TMEM131: variants seen among roughly 807,000 people sequenced by gnomAD.
TMEM131 encodes the protein transmembrane protein 131.
Under a neutral mutation model 211.6 loss-of-function variants are expected in TMEM131, and 66 were observed. The observed-to-expected ratio is 0.31, with a 90% CI of 0.26 to 0.38. The LOEUF is 0.38. TMEM131 is among the 10% of genes least tolerant of loss of function. The pLI is 1.00. For missense variants in TMEM131, 2,036 were observed against 2,299.3 expected (o/e 0.89, Z 2.34); for synonymous variants, 844 against 841.3 (o/e 1.00, Z -0.06).
intron 1 of TMEM131, among the ~76,000 whole-genome samples, chr2:97,983,772 C>T (rs955547882): frequency 2.0e-5 from 3 of 152,094 alleles, no homozygotes; most frequent in Non-Finnish European, 2.9e-5. Context: ...TTTCTATGTT[C>T]GTCCCTTCGT....
intron 1 of TMEM131, among the ~76,000 whole-genome samples, chr2:97,988,571 TCAA>T (rs1040893358): frequency 1.7e-4 from 26 of 152,114 alleles, no homozygotes; most frequent in South Asian, 2.1e-4. Flanking sequence ...CTCCTATAAC[TCAA>T]CAACAACAAC....
Position 97,995,546 on chromosome 2 carries a change from G to T in TMEM131, c.117C>A (p.Ala39=). 7.5e-7 allele frequency: 1 copy of T among 1,336,972 alleles called. No homozygotes were observed. Among genetic ancestry groups the T allele is most frequent in the Non-Finnish European group, 9.6e-7 (1 of 1,039,866 alleles). The allele number at this position is 1,336,972 out of a possible 1,614,324, so 82.8% of individuals were successfully genotyped here. A position where few individuals can be genotyped will look rare whatever the true frequency, so the allele number is the denominator to read the frequency against. Residue 39 remains alanine, a synonymous_variant, in exon 1 of 41, where the codon GCC becomes GCA. Coordinates refer to ENST00000186436, the MANE Select transcript of TMEM131 (RefSeq NM_015348.2). ...AARSGGPRSA[A]AGLLGALHLV... ...GGTGCAGCGCGCCTAGGAGGCCGGCGGCCGCGCTCCGCGGGCCCCCGCTAC... is the reference window on the plus strand; with the variant it reads ...GGTGCAGCGCGCCTAGGAGGCCGGCTGCCGCGCTCCGCGGGCCCCCGCTAC...
At chr2:97,874,864 A>G (rs959151507) in intron 4 of TMEM131, among the ~76,000 whole-genome samples, 16 of 152,236 alleles carry the variant, frequency 1.1e-4, no homozygotes, top group African/African-American at 3.9e-4. Context: ...AAATTTACAC[A>G]TAACAATATT....
intron 32 of TMEM131, among the ~76,000 whole-genome samples, chr2:97,772,824 G>A (rs1190257000): frequency 6.6e-6 from 1 of 152,258 alleles, no homozygotes; most frequent in Non-Finnish European, 1.5e-5. Context: ...TTGAACTGGG[G>A]AGGCAGGGGT....
intron 1 of TMEM131, among the ~76,000 whole-genome samples, chr2:97,985,511 T>C (rs1350134847): frequency 6.6e-6 from 1 of 152,102 alleles, no homozygotes; most frequent in Admixed American, 6.6e-5. Context: ...ACAAAATGAT[T>C]TGAGGATTCA....
intron 35 of TMEM131, chr2:97,764,372 G>C (rs747843621): frequency 1.3e-5 from 2 of 152,210 alleles, no homozygotes; most frequent in Non-Finnish European, 2.9e-5. Flanking sequence ...GAGCATGTGG[G>C]ACCGACTCTT....
intron 33 of TMEM131, among the ~76,000 whole-genome samples, chr2:97,768,430 A>G (rs564174053): frequency 6.6e-6 from 1 of 152,262 alleles, no homozygotes; most frequent in South Asian, 2.1e-4. Context: ...ACAAAACTAA[A>G]TTCTGTGCCA....
intron 1 of TMEM131, among the ~76,000 whole-genome samples, chr2:97,994,041 G>C (rs1680377975): frequency 6.6e-6 from 1 of 152,192 alleles, no homozygotes; most frequent in Non-Finnish European, 1.5e-5. Context: ...CAAAGGAACA[G>C]AAAAACAAGG....
intron 1 of TMEM131, among the ~76,000 whole-genome samples, chr2:97,963,371 T>C (rs1479265212): frequency 2.6e-5 from 4 of 152,228 alleles, no homozygotes; most frequent in Admixed American, 2.6e-4. Flanking sequence ...TAATTTTTGA[T>C]AGCTTTTTTG....
chr2:97,916,919 CTT>C (rs916740062), intron 2 of TMEM131, among the ~76,000 whole-genome samples: 2 of 152,082 alleles, frequency 1.3e-5, no homozygotes, highest in Non-Finnish European at 2.9e-5. Flanking sequence ...ATAAATATGA[CTT>C]ATATTTATTA....
intron 1 of TMEM131, among the ~76,000 whole-genome samples, chr2:97,943,082 A>C (rs549372936): frequency 2.8e-5 from 4 of 141,500 alleles, no homozygotes; most frequent in African/African-American, 1.0e-4. Flanking sequence ...AGAAAGAAAG[A>C]AAGAAAGAAA....
At chr2:97,869,229 G>C (rs1221040290) in intron 4 of TMEM131, among the ~76,000 whole-genome samples, 1 of 152,214 alleles carries the variant, frequency 6.6e-6, no homozygotes, top group Non-Finnish European at 1.5e-5. Context: ...TCTCAGCTAA[G>C]ATAAAGAAGA....
intron 11 of TMEM131, among the ~76,000 whole-genome samples, chr2:97,821,061 A>G (rs569379593): frequency 2.2e-4 from 34 of 152,116 alleles, no homozygotes; most frequent in Non-Finnish European, 4.4e-4. Flanking sequence ...GAAGTTCCTC[A>G]TTTGCTCTAC....
At chr2:97,958,319 T>G (rs1678665399) in intron 1 of TMEM131, among the ~76,000 whole-genome samples, 1 of 152,176 alleles carries the variant, frequency 6.6e-6, no homozygotes, top group Admixed American at 6.5e-5. Flanking sequence ...AGATCAGGTC[T>G]GCATCTCTAC....
intron 1 of TMEM131, among the ~76,000 whole-genome samples, chr2:97,939,335 T>C (rs1167086460): frequency 6.6e-6 from 1 of 151,990 alleles, no homozygotes; most frequent in East Asian, 1.9e-4. Flanking sequence ...TAAAAAATGA[T>C]AAAGGAGATA....
chr2:97,901,587 G>C (rs1168512245), intron 3 of TMEM131, among the ~76,000 whole-genome samples: 1 of 152,002 alleles, frequency 6.6e-6, no homozygotes, highest in Non-Finnish European at 1.5e-5. Context: ...AAACACAATG[G>C]AATATTATTC....
rs1428378064 is a variant in TMEM131, at chr2:97,793,379, C to T, written c.3545+16G>A. 3.8e-6 allele frequency: 6 copies of T among 1,599,068 alleles called. No individual in the cohort carries two copies. Among genetic ancestry groups the T allele is most frequent in the Non-Finnish European group, 5.1e-6 (6 of 1,170,410 alleles). The stretch of plus-strand genomic sequence containing the variant: ...CTATGTACACTAGGGAATTTATTGC[C>T]AGCATGTGAACATACTTTCCTTCAG... On this transcript the variant is annotated intron_variant, in intron 30 of 40. Transcript: ENST00000186436.
chr2:97,886,693 C>T (rs1675173563), intron 4 of TMEM131, among the ~76,000 whole-genome samples: 1 of 152,120 alleles, frequency 6.6e-6, no homozygotes, highest in Non-Finnish European at 1.5e-5. Flanking sequence ...GGAATCTGGC[C>T]AACTTAGGGT....
At chr2:97,955,219 A>T (rs1678512672) in intron 1 of TMEM131, among the ~76,000 whole-genome samples, 2 of 152,318 alleles carry the variant, frequency 1.3e-5, no homozygotes, top group South Asian at 4.1e-4. Flanking sequence ...TAAATAACAA[A>T]ATCATATGAT....
Sources: gnomAD v4.1 joint callset for allele counts (sites outside exome capture counted in the v4.1 genomes callset) on GRCh38, gnomAD v4.1.1 for gene constraint, MANE v1.5 for transcripts, NCBI Gene and HGNC (gene_info 2026-07-23, HGNC 2026-07-21) for gene names.